TENM2: variants seen among roughly 807,000 people sequenced by gnomAD.
The protein encoded by TENM2 is teneurin-2.
In TENM2, 52 loss-of-function variants were observed where a neutral mutation model predicts 245.2. The observed-to-expected ratio is 0.21, with a 90% CI of 0.17 to 0.27. The LOEUF (loss-of-function observed/expected upper bound fraction) is 0.27. Among genes scored for constraint, TENM2 ranks in the 10% least tolerant of loss-of-function variants. TENM2 has a pLI of 1.00. For missense variants in TENM2, 3,046 were observed against 3,666.8 expected, an observed-to-expected ratio of 0.83 and a Z score of 4.37; for synonymous variants, 1,363 against 1,438.9, an observed-to-expected ratio of 0.95 and a Z score of 1.19.
chr5:167,424,757 T>C (rs559091521), intron 2 of TENM2, among the ~76,000 whole-genome samples: 2 of 152,300 alleles, frequency 1.3e-5, no homozygotes, highest in South Asian at 2.1e-4. Flanking sequence ...AAAAATCTTC[T>C]GTTCAGCTTG....
chr5:167,568,475 G>A (rs1223734839), intron 2 of TENM2, among the ~76,000 whole-genome samples: 1 of 152,042 alleles, frequency 6.6e-6, no homozygotes. Context: ...TAGGAATATA[G>A]CAGTGAACAA....
chr5:167,567,647 T>C (rs1392260651), intron 2 of TENM2, among the ~76,000 whole-genome samples: 2 of 152,150 alleles, frequency 1.3e-5, no homozygotes, highest in Non-Finnish European at 2.9e-5. Flanking sequence ...TGGGATGAGC[T>C]AATTTTGACA....
At chr5:167,233,738 G>C in the TENM2 span, among the ~76,000 whole-genome samples, 2 of 152,062 alleles carry the variant, frequency 1.3e-5, no homozygotes, top group African/African-American at 4.8e-5. Flanking sequence ...TTTTTATAGT[G>C]ACTCAACAAA....
intron 6 of TENM2, among the ~76,000 whole-genome samples, chr5:168,049,530 C>T (rs1473047732): frequency 6.6e-6 from 1 of 152,134 alleles, no homozygotes; most frequent in Non-Finnish European, 1.5e-5. Context: ...CAAGATCAAG[C>T]ACTCCTCCCA....
At chr5:166,998,210 G>A in the TENM2 span, among the ~76,000 whole-genome samples, 1 of 152,130 alleles carries the variant, frequency 6.6e-6, no homozygotes, top group Admixed American at 6.6e-5. Flanking sequence ...GACCAAATGT[G>A]GTTATCTGGT....
At chr5:168,073,655 T>G (rs890106467) in intron 7 of TENM2, among the ~76,000 whole-genome samples, 1 of 152,214 alleles carries the variant, frequency 6.6e-6, no homozygotes, top group Non-Finnish European at 1.5e-5. Flanking sequence ...ACATGTTACA[T>G]AAAAGCCCTC....
chr5:166,980,739 G>A, the TENM2 span, among the ~76,000 whole-genome samples: 1 of 152,134 alleles, frequency 6.6e-6, no homozygotes, highest in Non-Finnish European at 1.5e-5. Context: ...TGGAGGAAGG[G>A]GGCCTCTGTG....
chr5:167,133,981 A>T, the TENM2 span, among the ~76,000 whole-genome samples: 3 of 152,238 alleles, frequency 2.0e-5, no homozygotes, highest in African/African-American at 7.2e-5. Flanking sequence ...CAAAACCTCT[A>T]TAGAGTGTTC....
rs534565098 is a variant in TENM2, at chr5:167,695,417, T to A, written c.503-180569T>A. On this transcript the variant is annotated intron_variant, in intron 2 of 28. Coordinates refer to ENST00000518659, the Ensembl canonical transcript of TENM2. Reference sequence around the variant, plus strand: ...GTGAAATGTTATTCTTCTTTTGATATTTTTAGCCATTAAAAAAATATAAAA... The same window carrying A: ...GTGAAATGTTATTCTTCTTTTGATAATTTTAGCCATTAAAAAAATATAAAA... Among the ~76,000 whole-genome samples, 3 of 152,286 alleles carry A rather than the reference T, an allele frequency of 2.0e-5. No homozygotes were observed. The East Asian group carries it at 5.8e-4, about 29-fold the overall frequency.
chr5:167,602,319 T>C (rs1345236713), intron 2 of TENM2, among the ~76,000 whole-genome samples: 1 of 152,188 alleles, frequency 6.6e-6, no homozygotes, highest in Admixed American at 6.5e-5. Flanking sequence ...GAGGACCTTT[T>C]AACTCACTGC....
At chr5:167,640,892 T>TATATATATATGG (rs1779556571) in intron 2 of TENM2, among the ~76,000 whole-genome samples, 1 of 96,244 alleles carries the variant, frequency 1.0e-5, no homozygotes, top group Non-Finnish European at 2.1e-5. Context: ...TATATATATA[T>TATATATATATGG]ATATATATAT....
chr5:167,973,465 G>A (rs1403515660), intron 4 of TENM2, among the ~76,000 whole-genome samples: 1 of 152,170 alleles, frequency 6.6e-6, no homozygotes, highest in African/African-American at 2.4e-5. Context: ...AAAAGACATG[G>A]CCCCTGACCT....
intron 2 of TENM2, among the ~76,000 whole-genome samples, chr5:167,526,839 G>C (rs1276008656): frequency 6.6e-6 from 1 of 152,050 alleles, no homozygotes; most frequent in Admixed American, 6.6e-5. Context: ...GTGGAAACCT[G>C]CTCCTGAGAT....
the TENM2 span, among the ~76,000 whole-genome samples, chr5:167,170,142 G>A: frequency 6.6e-6 from 1 of 152,216 alleles, no homozygotes; most frequent in African/African-American, 2.4e-5. Context: ...CTAGAGAATA[G>A]CCTATGCTGT....
At chr5:168,126,053 G>A (rs978721094) in intron 11 of TENM2, among the ~76,000 whole-genome samples, 32 of 152,190 alleles carry the variant, frequency 2.1e-4, no homozygotes, top group African/African-American at 7.0e-4. Context: ...GAGAGGTCTG[G>A]AATACCAGAG....
At chr5:167,662,074 T>A (rs1398425268) in intron 2 of TENM2, among the ~76,000 whole-genome samples, 1 of 151,972 alleles carries the variant, frequency 6.6e-6, no homozygotes, top group African/African-American at 2.4e-5. Context: ...GGATATAGAG[T>A]GGGGTGGGGT....
chr5:168,180,207 A>G (rs1759745776), intron 13 of TENM2, among the ~76,000 whole-genome samples: 1 of 152,178 alleles, frequency 6.6e-6, no homozygotes, highest in Non-Finnish European at 1.5e-5. Context: ...GTTCTCATGA[A>G]CTGTTTTCCA....
intron 2 of TENM2, among the ~76,000 whole-genome samples, chr5:167,863,102 T>A (rs908029130): frequency 2.6e-5 from 4 of 152,212 alleles, no homozygotes; most frequent in African/African-American, 9.6e-5. Flanking sequence ...TCAAGTCCCG[T>A]GATCTCTTCA....
At chr5:167,260,783 A>G in the TENM2 span, among the ~76,000 whole-genome samples, 1 of 152,198 alleles carries the variant, frequency 6.6e-6, no homozygotes, top group African/African-American at 2.4e-5. Context: ...ATGTGGTGGT[A>G]TAAAGGCAAT....
Sources: gnomAD v4.1 joint callset for allele counts (sites outside exome capture counted in the v4.1 genomes callset) on GRCh38, gnomAD v4.1.1 for gene constraint, MANE v1.5 for transcripts, NCBI Gene and HGNC (gene_info 2026-07-23, HGNC 2026-07-21) for gene names.